Variants in KCNN2 observed in about 807,000 individuals in gnomAD.
The protein encoded by KCNN2 is small conductance calcium-activated potassium channel protein 2.
Under a neutral mutation model 55.5 loss-of-function variants are expected in KCNN2, and 24 were observed. The ratio of observed to expected loss-of-function variants is 0.43; its 90% CI spans 0.31 to 0.61. KCNN2 has a LOEUF of 0.61. KCNN2 is among the 20% of genes least tolerant of loss of function. KCNN2 has a pLI of 0.08. For synonymous variants in KCNN2, 431 were observed against 336.1 expected (o/e 1.28, Z -3.09); for missense variants, 754 against 853.6 (o/e 0.88, Z 1.45).
At chr5:114,452,665 C>G (rs891963941) in intron 3 of KCNN2, among the ~76,000 whole-genome samples, 1 of 152,108 alleles carries the variant, frequency 6.6e-6, no homozygotes, top group Admixed American at 6.5e-5. Flanking sequence ...CCCCGGAGAC[C>G]TCAGCTTCAT....
At chr5:114,161,799 A>C (rs555280892) in intron 1 of KCNN2, among the ~76,000 whole-genome samples, 1 of 152,290 alleles carries the variant, frequency 6.6e-6, no homozygotes, top group African/African-American at 2.4e-5. Context: ...CACATCAGCT[A>C]CTGAGGCTTG....
chr5:114,149,450 T>G (rs940905314), intron 1 of KCNN2, among the ~76,000 whole-genome samples: 2 of 152,034 alleles, frequency 1.3e-5, no homozygotes, highest in East Asian at 3.9e-4. Context: ...ACACACAAGA[T>G]AGTGAAAGCT....
intron 1 of KCNN2, among the ~76,000 whole-genome samples, chr5:114,183,404 T>A (rs1256307747): frequency 6.6e-6 from 1 of 152,104 alleles, no homozygotes; most frequent in Non-Finnish European, 1.5e-5. Context: ...TCCTGTTTTA[T>A]GAGAATATGT....
chr5:114,217,845 G>A (rs754906441), intron 1 of KCNN2, among the ~76,000 whole-genome samples: 1 of 151,996 alleles, frequency 6.6e-6, no homozygotes, highest in African/African-American at 2.4e-5. Flanking sequence ...ATTTTTAAAA[G>A]ACACATCTGA....
chr5:114,284,644 A>G (rs1755698509), intron 2 of KCNN2, among the ~76,000 whole-genome samples: 1 of 152,042 alleles, frequency 6.6e-6, no homozygotes, highest in Admixed American at 6.6e-5. Flanking sequence ...CAGCCTCCCC[A>G]GTAGCTGGAA....
At chr5:114,307,378 T>C (rs1456747032) in intron 2 of KCNN2, among the ~76,000 whole-genome samples, 1 of 152,206 alleles carries the variant, frequency 6.6e-6, no homozygotes, top group East Asian at 1.9e-4. Context: ...ATATATGTAT[T>C]GCTCCTAGTA....
chr5:114,306,154 C>T (rs1390572097), intron 2 of KCNN2, among the ~76,000 whole-genome samples: 1 of 152,188 alleles, frequency 6.6e-6, no homozygotes, highest in Non-Finnish European at 1.5e-5. Flanking sequence ...TAAAAGCAAA[C>T]TGCTTTTGAT....
chr5:114,142,689 C>G (rs145231783), intron 1 of KCNN2, among the ~76,000 whole-genome samples: 4,720 of 152,202 alleles, frequency 0.031, 255 homozygotes, highest in African/African-American at 0.11. Flanking sequence ...AGGAGAACTA[C>G]AAACCACTGC....
At chr5:114,217,593 TA>T (rs766764651) in intron 1 of KCNN2, among the ~76,000 whole-genome samples, 48 of 152,254 alleles carry the variant, frequency 3.2e-4, no homozygotes, top group Non-Finnish European at 6.3e-4. Flanking sequence ...ATGGTTTACC[TA>T]AATTAACTTA....
At chr5:114,235,535 T>C (rs888813773) in intron 2 of KCNN2, among the ~76,000 whole-genome samples, 1 of 152,234 alleles carries the variant, frequency 6.6e-6, no homozygotes, top group Non-Finnish European at 1.5e-5. Flanking sequence ...GGAAACCTAT[T>C]TGTATAGTTT....
chr5:114,422,393 A>G (rs898487867), intron 3 of KCNN2, among the ~76,000 whole-genome samples: 5 of 152,114 alleles, frequency 3.3e-5, no homozygotes, highest in Admixed American at 2.6e-4. Context: ...ACACAGAGAG[A>G]AGGTGATTGT....
chr5:114,074,954 T>C (rs776293099), intron 1 of KCNN2, among the ~76,000 whole-genome samples: 10 of 152,320 alleles, frequency 6.6e-5, no homozygotes, highest in East Asian at 1.9e-4. Flanking sequence ...GTAAAAGTTA[T>C]GGGTGTACAT....
intron 2 of KCNN2, among the ~76,000 whole-genome samples, chr5:114,336,888 G>T (rs968267874): frequency 6.6e-6 from 1 of 152,180 alleles, no homozygotes. Flanking sequence ...GGGAAGAGAG[G>T]CACAAGAAGA....
intron 1 of KCNN2, among the ~76,000 whole-genome samples, chr5:114,185,187 A>G (rs1319840080): frequency 6.6e-6 from 1 of 152,154 alleles, no homozygotes; most frequent in Non-Finnish European, 1.5e-5. Flanking sequence ...AGGAGTAAGT[A>G]GAACTCAGTT....
intron 2 of KCNN2, among the ~76,000 whole-genome samples, chr5:114,345,788 T>A (rs1294811650): frequency 6.6e-6 from 1 of 152,118 alleles, no homozygotes; most frequent in African/African-American, 2.4e-5. Context: ...CTTTTATTTT[T>A]TATTTTTTTT....
upstream of KCNN2, chr5:114,361,879 C>G (rs1757431669): frequency 6.5e-6 from 1 of 153,202 alleles, no homozygotes; most frequent in African/African-American, 2.4e-5. Context: ...TAGGGTTTGT[C>G]CTGCAGATTC....
intron 1 of KCNN2, among the ~76,000 whole-genome samples, chr5:114,186,257 G>T (rs1163563422): frequency 6.6e-6 from 1 of 152,044 alleles, no homozygotes; most frequent in African/African-American, 2.4e-5. Flanking sequence ...GTTAATTTGG[G>T]TATAGTATGG....
chr5:114,224,895 T>G (rs1175153592), intron 2 of KCNN2, among the ~76,000 whole-genome samples: 1 of 152,164 alleles, frequency 6.6e-6, no homozygotes, highest in African/African-American at 2.4e-5. Context: ...GGGGTTGTTT[T>G]TTGCTTGTTC....
chr5:114,241,235 T>C (rs947847056), intron 2 of KCNN2, among the ~76,000 whole-genome samples: 1 of 151,914 alleles, frequency 6.6e-6, no homozygotes, highest in Non-Finnish European at 1.5e-5. Context: ...GAGAACATTA[T>C]GTAATTTAAT....
Sources: gnomAD v4.1 joint callset for allele counts (sites outside exome capture counted in the v4.1 genomes callset) on GRCh38, gnomAD v4.1.1 for gene constraint, MANE v1.5 for transcripts, NCBI Gene and HGNC (gene_info 2026-07-23, HGNC 2026-07-21) for gene names.